KIF6: variants seen among roughly 807,000 people sequenced by gnomAD.
KIF6 encodes kinesin-like protein KIF6.
Under a neutral mutation model 112.7 loss-of-function variants are expected in KIF6, and 106 were observed. That is an observed-to-expected ratio of 0.94 (90% CI 0.80 to 1.11). KIF6 has a LOEUF of 1.11. KIF6 is among the 50% of genes least tolerant of loss of function. KIF6 has a pLI of 0.00. For missense variants in KIF6, 929 were observed against 964.0 expected (o/e 0.96, Z 0.48); for synonymous variants, 339 against 339.9 (o/e 1.00, Z 0.03).
At chr6:39,584,106 C>T (rs1781463438) in intron 9 of KIF6, among the ~76,000 whole-genome samples, 1 of 151,822 alleles carries the variant, frequency 6.6e-6, no homozygotes, top group Non-Finnish European at 1.5e-5. Context: ...ACTTTTCTTT[C>T]TTTCTGAGCT....
chr6:39,337,223 C>CTTTCTTTCTTTCTTTCTTT (rs1763064835), intron 22 of KIF6, among the ~76,000 whole-genome samples: 1 of 95,980 alleles, frequency 1.0e-5, no homozygotes, highest in Non-Finnish European at 1.8e-5. Flanking sequence ...TTCTTTCTTT[C>CTTTCTTTCTTTCTTTCTTT]TTTCTTTCTT....
Position 39,343,423 on chromosome 6 carries a change from A to T in KIF6, c.2428+286T>A, listed in dbSNP as rs1763455182. 1 of 1,390,532 alleles carries T rather than the reference A, an allele frequency of 7.2e-7. No homozygotes were observed. Among genetic ancestry groups the T allele is most frequent in the East Asian group, 3.7e-5 (1 of 26,972 alleles). 86.1% of individuals were successfully genotyped at this position (1,390,532 alleles called of 1,614,324 possible). The stretch of plus-strand genomic sequence containing the variant: ...CAGCTGACTTTGGGAACAGAGAACA[A>T]AGGAGCTGAAGATCTGGAAGAGACA... On this transcript the variant is annotated intron_variant, in intron 22 of 22. Transcript: ENST00000287152. The surrounding 1 kb of genome is among the most constrained non-coding windows in gnomAD (Gnocchi z 4.1).
chr6:39,623,884 C>T (rs1321550808), intron 5 of KIF6, among the ~76,000 whole-genome samples: 2 of 152,298 alleles, frequency 1.3e-5, no homozygotes, highest in East Asian at 3.9e-4. Flanking sequence ...ACCTAGACTT[C>T]ATTCTAAAGG....
chr6:39,684,418 C>A lies in KIF6; in HGVS notation c.251+30274G>T, dbSNP rs187691913. Among the ~76,000 whole-genome samples, 8 of 152,096 alleles carry A rather than the reference C, an allele frequency of 5.3e-5. No individual in the cohort carries two copies. The East Asian group carries it at 1.5e-3, about 29-fold the overall frequency. ...ATCACCTGAGGTTGGGAGTTCGAGG[C>A]CAGCCTGACCAACATGGAGAAACCC... On this transcript the variant is annotated intron_variant, in intron 3 of 22. Transcript: ENST00000287152.
chr6:39,722,384 A>G (rs1454334634), intron 1 of KIF6, among the ~76,000 whole-genome samples: 1 of 152,198 alleles, frequency 6.6e-6, no homozygotes, highest in Non-Finnish European at 1.5e-5. Context: ...TTGGCTTTCT[A>G]TCCTTATTCA....
intron 13 of KIF6, among the ~76,000 whole-genome samples, chr6:39,465,487 CTCT>C (rs1462714671): frequency 6.6e-6 from 1 of 152,178 alleles, no homozygotes; most frequent in East Asian, 1.9e-4. Context: ...GCCTATCCTT[CTCT>C]TCTTTATCTC....
At chr6:39,399,275 C>G (rs1368899309) in intron 15 of KIF6, among the ~76,000 whole-genome samples, 1 of 152,200 alleles carries the variant, frequency 6.6e-6, no homozygotes, top group Non-Finnish European at 1.5e-5. Flanking sequence ...TCTTTGGGAA[C>G]AGTGGGCAGT....
At chr6:39,351,607 C>T (rs548543928) in intron 19 of KIF6, among the ~76,000 whole-genome samples, 6 of 151,976 alleles carry the variant, frequency 3.9e-5, no homozygotes, top group African/African-American at 1.4e-4. Context: ...GACACACCTG[C>T]CCCTCTCTCT....
intron 16 of KIF6, 110 bp from the exon 17 acceptor site, chr6:39,362,628 T>C (rs571590183): frequency 1.2e-6 from 1 of 820,346 alleles, no homozygotes; most frequent in East Asian, 2.4e-5. Flanking sequence ...AAGGAGCCTC[T>C]GTGAGTTCCT....
chr6:39,422,382 C>A (rs1270553251), intron 14 of KIF6, among the ~76,000 whole-genome samples: 1 of 152,204 alleles, frequency 6.6e-6, no homozygotes, highest in African/African-American at 2.4e-5. Flanking sequence ...CTGGCAGAAA[C>A]TGTGTGGAAA....
At chr6:39,402,441 G>C (rs546603459) in intron 15 of KIF6, among the ~76,000 whole-genome samples, 165 of 152,294 alleles carry the variant, frequency 1.1e-3, no homozygotes, top group African/African-American at 3.4e-3. Flanking sequence ...GGAACCTGAT[G>C]AAATACTGTT....
chr6:39,503,950 C>G (rs909899694), intron 13 of KIF6, among the ~76,000 whole-genome samples: 1 of 151,988 alleles, frequency 6.6e-6, no homozygotes, highest in African/African-American at 2.4e-5. Flanking sequence ...GGTGCCATTC[C>G]CACTGAAACT....
intron 13 of KIF6, among the ~76,000 whole-genome samples, chr6:39,537,706 G>A (rs1032169420): frequency 1.3e-5 from 2 of 152,046 alleles, no homozygotes; most frequent in Non-Finnish European, 2.9e-5. Context: ...CACAGAATTG[G>A]AAAAAACTAC....
intron 3 of KIF6, among the ~76,000 whole-genome samples, chr6:39,702,059 G>A (rs937952277): frequency 6.6e-6 from 1 of 152,152 alleles, no homozygotes; most frequent in Non-Finnish European, 1.5e-5. Flanking sequence ...GAGGGCATGT[G>A]GAAATGGGAA....
chr6:39,447,011 C>A (rs1442114689), intron 13 of KIF6, among the ~76,000 whole-genome samples: 1 of 152,116 alleles, frequency 6.6e-6, no homozygotes, highest in Non-Finnish European at 1.5e-5. Context: ...AATGAGTCAC[C>A]TAAAAACCCA....
At chr6:39,529,954 C>G (rs1777949847) in intron 13 of KIF6, among the ~76,000 whole-genome samples, 1 of 152,174 alleles carries the variant, frequency 6.6e-6, no homozygotes, top group African/African-American at 2.4e-5. Context: ...TTTTCTCAAC[C>G]TACTTATTAA....
chr6:39,409,641 G>C (rs943569963), intron 15 of KIF6, among the ~76,000 whole-genome samples: 18 of 152,224 alleles, frequency 1.2e-4, no homozygotes, highest in African/African-American at 4.1e-4. Context: ...TGCAGACTAT[G>C]TGTTAGAGAG....
chr6:39,546,853 T>G (rs1204860166), intron 10 of KIF6, among the ~76,000 whole-genome samples: 1 of 151,824 alleles, frequency 6.6e-6, no homozygotes, highest in African/African-American at 2.4e-5. Context: ...AAGTCCTAGT[T>G]TATTCATAGC....
At chr6:39,538,086 A>C (rs893647489) in intron 13 of KIF6, among the ~76,000 whole-genome samples, 5 of 152,350 alleles carry the variant, frequency 3.3e-5, no homozygotes, top group Non-Finnish European at 5.9e-5. Flanking sequence ...TTAAAGACTT[A>C]AATGTTAGAC....
Sources: allele counts gnomAD v4.1 joint callset (sites outside exome capture counted in the v4.1 genomes callset), GRCh38; gene constraint gnomAD v4.1.1; non-coding constraint Gnocchi (gnomAD v3.1); transcripts MANE v1.5; gene names NCBI Gene and HGNC (gene_info 2026-07-23, HGNC 2026-07-21).